The following QSOX2 variants were observed in gnomAD, a reference collection of about 807,000 sequenced individuals.
QSOX2 encodes the protein sulfhydryl oxidase 2.
In QSOX2, 46 loss-of-function variants were observed where a neutral mutation model predicts 61.7. The ratio of observed to expected loss-of-function variants is 0.75; its 90% CI spans 0.59 to 0.95. The LOEUF (loss-of-function observed/expected upper bound fraction) is 0.95. QSOX2 is among the 40% of genes least tolerant of loss of function. QSOX2 has a pLI of 0.00. For synonymous variants in QSOX2, 383 were observed against 388.4 expected (o/e 0.99, Z 0.16); for missense variants, 879 against 918.9 (o/e 0.96, Z 0.56).
At chr9:136,211,848 G>A (rs1194794618) in intron 10 of QSOX2, among the ~76,000 whole-genome samples, 1 of 152,238 alleles carries the variant, frequency 6.6e-6, no homozygotes, top group Middle Eastern at 3.2e-3. Context: ...GGATTTGCCA[G>A]CTGGGTGCAG....
chr9:136,237,754 G>A (rs1236658680), intron 1 of QSOX2, among the ~76,000 whole-genome samples: 11 of 151,972 alleles, frequency 7.2e-5, no homozygotes, highest in African/African-American at 2.4e-4. Context: ...GCCACACCTG[G>A]AGCCCATCCT....
chr9:136,227,596 G>C (rs1394300762), intron 1 of QSOX2, among the ~76,000 whole-genome samples: 1 of 152,152 alleles, frequency 6.6e-6, no homozygotes, highest in African/African-American at 2.4e-5. Context: ...TTTTGCCAAA[G>C]TCTCCACCCA....
At position 136,209,283 on chromosome 9, in the gene QSOX2, GA is replaced by G; in HGVS notation, c.1550-9del. On this transcript the variant is annotated splice_polypyrimidine_tract_variant and intron_variant, in intron 11 of 11. Transcript: ENST00000358701. This position sits in a 1 kb window ranked among gnomAD's most constrained non-coding sequence, Gnocchi z 5.6. ...GATCCTCACTCAGATGGCCTAGGAA[GA>G]AAAGGAAGCGGGAGAGCCAGAGGGA... 6.2e-7 allele frequency: 1 copy of G among 1,607,818 alleles called. No homozygotes were observed.
At position 136,216,692 on chromosome 9, in the gene QSOX2, G is replaced by A; in HGVS notation, c.1117C>T (p.Leu373=). The A allele has an allele frequency of 1.2e-6, 2 of 1,613,890 alleles. No individual in the cohort carries two copies. Among genetic ancestry groups the A allele is most frequent in the East Asian group, 2.2e-5 (1 of 44,878 alleles). Residue 373 remains leucine, a synonymous_variant, in exon 9 of 12, where the codon CTG becomes TTG. Transcript: ENST00000358701. ...LFPGRPPVKK[L]LEMLQEWLAS... Reference sequence around the variant, plus strand: ...AGCCACTCCTGCAGCATCTCCAACAGCTTCTTGACTGGCGGCCGTCCAGGG... The same window carrying A: ...AGCCACTCCTGCAGCATCTCCAACAACTTCTTGACTGGCGGCCGTCCAGGG...
Position 136,209,784 on chromosome 9 carries a change from G to A in QSOX2, c.1550-509C>T, listed in dbSNP as rs551422174. On this transcript the variant is annotated intron_variant, in intron 11 of 11. Coordinates refer to ENST00000358701, the MANE Select transcript of QSOX2 (RefSeq NM_181701.4). The surrounding 1 kb of genome is among the most constrained non-coding windows in gnomAD (Gnocchi z 5.6). ...TGCACCTTCAGGAAAGGGCAGAGGGGCAGCAATGAATTTCCACTGCACTTC... is the reference window on the plus strand; with the variant it reads ...TGCACCTTCAGGAAAGGGCAGAGGGACAGCAATGAATTTCCACTGCACTTC... 5 of 985,234 alleles carry A rather than the reference G, an allele frequency of 5.1e-6. No individual in the cohort carries two copies. The South Asian group carries it at 2.3e-4, about 46-fold the overall frequency. The allele number at this position is 985,234 out of a possible 1,614,324, so 61.0% of individuals were successfully genotyped here. A position where few individuals can be genotyped will look rare whatever the true frequency, so the allele number is the denominator to read the frequency against.
chr9:136,210,929 C>A (rs904991230), intron 11 of QSOX2: 1 of 983,654 alleles, frequency 1.0e-6, no homozygotes, highest in African/African-American at 1.7e-5. Context: ...AAATTAATTA[C>A]GTTCCAAGCT....
chr9:136,244,195 CTTGT>C (rs911464894), intron 1 of QSOX2, among the ~76,000 whole-genome samples: 3 of 152,256 alleles, frequency 2.0e-5, no homozygotes, highest in East Asian at 3.9e-4. Context: ...GATTGAATTA[CTTGT>C]TTGTTTTCCT....
At position 136,221,242 on chromosome 9, in the gene QSOX2, A is replaced by G. The variant is rs1403758044; in HGVS notation, c.821+554T>C. On this transcript the variant is annotated intron_variant, in intron 6 of 11. Coordinates refer to ENST00000358701, the MANE Select transcript of QSOX2 (RefSeq NM_181701.4). This position sits in a 1 kb window ranked among gnomAD's most constrained non-coding sequence, Gnocchi z 4.5. ...TGAGGGGCACACAGGCACCCCACGC[A>G]GGGGCGAAGGGCTTATCCTCATGAG... Among the ~76,000 whole-genome samples the G allele has an allele frequency of 1.3e-5, 2 of 150,774 alleles. No individual in the cohort carries two copies. The highest frequency in any genetic ancestry group is 3.0e-5 in the Non-Finnish European group (2 of 67,764).
chr9:136,235,885 A>G lies in QSOX2; in HGVS notation c.329-9011T>C, dbSNP rs893220078. ...CTCAGCACCTGCAGGCACTTCCTCT[A>G]TGAACATTTTCATCAGCGACACTCT... On this transcript the variant is annotated intron_variant, in intron 1 of 11. Coordinates refer to ENST00000358701, the MANE Select transcript of QSOX2 (RefSeq NM_181701.4). Among the ~76,000 whole-genome samples the G allele has an allele frequency of 1.2e-4, 18 of 152,180 alleles. No individual in the cohort carries two copies. In the East Asian group the frequency reaches 3.1e-3, roughly 26 times the overall value.
At chr9:136,224,155 C>T in intron 3 of QSOX2, 43 bp from the exon 4 acceptor site, 3 of 1,509,114 alleles carry the variant, frequency 2.0e-6, no homozygotes, top group Non-Finnish European at 2.8e-6. Flanking sequence ...GTGCGGCTGT[C>T]CTCGTGGGGC....
intron 10 of QSOX2, among the ~76,000 whole-genome samples, chr9:136,212,981 C>T (rs1170897494): frequency 6.6e-6 from 1 of 152,184 alleles, no homozygotes; most frequent in Non-Finnish European, 1.5e-5. Flanking sequence ...TTTGCCATCA[C>T]ACTGCTCTTA....
chr9:136,245,415 G>A (rs533503730), intron 1 of QSOX2, 61 bp downstream of exon 1: 4 of 1,436,962 alleles, frequency 2.8e-6, no homozygotes, highest in Admixed American at 2.1e-5. Flanking sequence ...GCGGTCGCAA[G>A]GGGTCCCGGA....
intron 1 of QSOX2, among the ~76,000 whole-genome samples, chr9:136,239,453 T>C (rs893051998): frequency 1.3e-5 from 2 of 152,232 alleles, no homozygotes; most frequent in Non-Finnish European, 2.9e-5. Flanking sequence ...GTTTTATTTG[T>C]CTTCCTGTTG....
Position 136,232,963 on chromosome 9 carries a change from A to G in QSOX2, c.329-6089T>C, listed in dbSNP as rs185673391. Among the ~76,000 whole-genome samples, 697 of 151,658 alleles carry G rather than the reference A, an allele frequency of 4.6e-3. 5 individuals carry two copies. Among genetic ancestry groups the G allele is most frequent in the Middle Eastern group, 0.017 (5 of 294 alleles). ...AGAAAAAAGAAAAAAAAAGAAAATCATGGAGGAGAAAGGACATCTGCCTGA... is the reference window on the plus strand; with the variant it reads ...AGAAAAAAGAAAAAAAAAGAAAATCGTGGAGGAGAAAGGACATCTGCCTGA... On this transcript the variant is annotated intron_variant, in intron 1 of 11. Transcript: ENST00000358701.
Position 136,237,974 on chromosome 9 carries a change from T to C in QSOX2, c.328+7502A>G, listed in dbSNP as rs944681224. On this transcript the variant is annotated intron_variant, in intron 1 of 11. Transcript: ENST00000358701. ...GACAGTGCACAAAGAAACTGTCCTA[T>C]GGGGCAAGAAAACCACAACCTTTGG... is the stretch of plus-strand genomic sequence containing the variant. Among the ~76,000 whole-genome samples the C allele has an allele frequency of 2.6e-5, 4 of 152,362 alleles. No homozygotes were observed. The South Asian group carries it at 6.2e-4, about 24-fold the overall frequency.
chr9:136,221,653 C>G lies in QSOX2; in HGVS notation c.821+143G>C. 1 of 815,420 alleles carries G rather than the reference C, an allele frequency of 1.2e-6. No individual in the cohort carries two copies. The highest frequency in any genetic ancestry group is 1.8e-6 in the Non-Finnish European group (1 of 547,134). 50.5% of individuals were successfully genotyped at this position (815,420 alleles called of 1,614,324 possible). A position where few individuals can be genotyped will look rare whatever the true frequency, so the allele number is the denominator to read the frequency against. On this transcript the variant is annotated intron_variant, in intron 6 of 11. Coordinates refer to ENST00000358701, the MANE Select transcript of QSOX2 (RefSeq NM_181701.4). This position sits in a 1 kb window ranked among gnomAD's most constrained non-coding sequence, Gnocchi z 4.5. ...ATCAGCAATACCCACGGGCTGAGAG[C>G]CAGGGCCCAAATCTGCCCAGGGAAG...
chr9:136,226,702 G>A, intron 2 of QSOX2, 72 bp downstream of exon 2: 1 of 1,241,790 alleles, frequency 8.1e-7, no homozygotes, highest in South Asian at 1.2e-5. Context: ...CAGACAAGCA[G>A]CCGCGTGATG....
In QSOX2 at chr9:136,209,725, G is replaced by A. The variant is rs1223517834; in HGVS notation, c.1550-450C>T. The A allele has an allele frequency of 1.7e-5, 17 of 984,414 alleles. No homozygotes were observed. Among genetic ancestry groups the A allele is most frequent in the Non-Finnish European group, 2.0e-5 (17 of 829,678 alleles). 61.0% of individuals were successfully genotyped at this position (984,414 alleles called of 1,614,324 possible). On this transcript the variant is annotated intron_variant, in intron 11 of 11. Coordinates refer to ENST00000358701, the MANE Select transcript of QSOX2 (RefSeq NM_181701.4). This position sits in a 1 kb window ranked among gnomAD's most constrained non-coding sequence, Gnocchi z 5.6. ...TGAGGCCCACTACCTACAGAGCCCC[G>A]GCCACCTGGGTGCTATGGACAGTGG...
In QSOX2 at chr9:136,219,097, G is replaced by A. The variant is rs1472719565; in HGVS notation, c.889C>T (p.Leu297Phe). 1.2e-6 allele frequency: 2 copies of A among 1,614,134 alleles called. No homozygotes were observed. The highest frequency in any genetic ancestry group is 1.7e-6 in the Non-Finnish European group (2 of 1,180,036). Reference sequence around the variant, plus strand: ...TTGTGTGGCTTTTCAGGCAAGGGAAGCGATTTTTTCCTCACATCCGGCAAT... The same window carrying A: ...TTGTGTGGCTTTTCAGGCAAGGGAAACGATTTTTTCCTCACATCCGGCAAT... ...KSLPDVRKKS[L>F]PLPEKPHKEE... Residue 297 changes from leucine (L) to phenylalanine (F), a missense_variant, in exon 7 of 12, where the codon CTT (leucine) becomes TTT (phenylalanine). Coordinates refer to ENST00000358701, the MANE Select transcript of QSOX2 (RefSeq NM_181701.4).
Sources: allele counts gnomAD v4.1 joint callset (sites outside exome capture counted in the v4.1 genomes callset), GRCh38; gene constraint gnomAD v4.1.1; non-coding constraint Gnocchi (gnomAD v3.1); transcripts MANE v1.5; gene names NCBI Gene and HGNC (gene_info 2026-07-23, HGNC 2026-07-21).